The following ADGRL2 variants were observed in gnomAD, a reference collection of about 807,000 sequenced individuals.
ADGRL2 encodes calcium-independent alpha-latrotoxin receptor 2.
Under a neutral mutation model 157.4 loss-of-function variants are expected in ADGRL2, and 44 were observed. That is an observed-to-expected ratio of 0.28 (90% confidence interval 0.22 to 0.36). ADGRL2 has a LOEUF of 0.36. Ranked by LOEUF, ADGRL2 falls within the 10% of genes least tolerant of loss-of-function variation. ADGRL2 has a pLI of 1.00. For missense variants in ADGRL2, 1,510 were observed against 1,768.9 expected, an observed-to-expected ratio of 0.85 and a Z score of 2.63; for synonymous variants, 585 against 624.7, an observed-to-expected ratio of 0.94 and a Z score of 0.95.
At chr1:81,714,960 C>A (rs1322398749) in intron 1 of ADGRL2, among the ~76,000 whole-genome samples, 1 of 150,108 alleles carries the variant, frequency 6.7e-6, no homozygotes, top group East Asian at 2.0e-4. Flanking sequence ...TCTTTTGTTT[C>A]TTTTTCTTTG....
intron 1 of ADGRL2, among the ~76,000 whole-genome samples, chr1:81,825,229 G>A (rs1217782966): frequency 3.9e-5 from 6 of 152,132 alleles, no homozygotes; most frequent in Admixed American, 2.6e-4. Flanking sequence ...TTTTGTTGTA[G>A]TGGGTATGTC....
intron 2 of ADGRL2, among the ~76,000 whole-genome samples, chr1:81,473,130 T>A (rs2078205498): frequency 6.7e-6 from 1 of 148,248 alleles, no homozygotes; most frequent in Non-Finnish European, 1.5e-5. Flanking sequence ...GAGGAGGAGG[T>A]GATGATGGAG....
At chr1:81,325,163 G>A (rs1489138640) in intron 1 of ADGRL2, among the ~76,000 whole-genome samples, 7 of 152,156 alleles carry the variant, frequency 4.6e-5, no homozygotes, top group Admixed American at 4.6e-4. Flanking sequence ...CTGTAGAAGA[G>A]CAGATCCACA....
chr1:81,715,687 T>C (rs1351314920), intron 1 of ADGRL2, among the ~76,000 whole-genome samples: 4 of 152,234 alleles, frequency 2.6e-5, no homozygotes, highest in East Asian at 1.9e-4. Context: ...GAGACAAATA[T>C]AGCTCTGCAT....
chr1:81,721,061 G>A (rs930974291), intron 1 of ADGRL2, among the ~76,000 whole-genome samples: 9 of 146,672 alleles, frequency 6.1e-5, no homozygotes, highest in Non-Finnish European at 1.0e-4. Flanking sequence ...TAATAGAGCC[G>A]GGGTCTTGCT....
chr1:81,864,759 T>G (rs1420055844), intron 2 of ADGRL2, among the ~76,000 whole-genome samples: 1 of 152,076 alleles, frequency 6.6e-6, no homozygotes, highest in Non-Finnish European at 1.5e-5. Context: ...ATCAGAAGTT[T>G]GAGAAAAGCC....
intron 2 of ADGRL2, among the ~76,000 whole-genome samples, chr1:81,497,988 C>T (rs1474792339): frequency 2.6e-5 from 4 of 152,060 alleles, no homozygotes; most frequent in Admixed American, 6.6e-5. Context: ...GGGCAGATCA[C>T]GAGGTCAGGA....
Position 81,356,811 on chromosome 1 carries a change from A to G in ADGRL2, c.-302+50302A>G, listed in dbSNP as rs1015790227. On this transcript the variant is annotated intron_variant, in intron 1 of 24. Coordinates refer to the ADGRL2 transcript ENST00000370721. The stretch of plus-strand genomic sequence containing the variant: ...TACTAAAAATACAAAAAATTAGCCG[A>G]GCGTGGTGGTGGGAGCCTGTAGTCC... Among the ~76,000 whole-genome samples, 134 of 151,656 alleles carry G rather than the reference A, an allele frequency of 8.8e-4. 1 individual carries two copies. The highest frequency in any genetic ancestry group is 2.8e-3 in the African/African-American group (117 of 41,364).
chr1:81,853,685 AT>A (rs1427178549), intron 2 of ADGRL2, among the ~76,000 whole-genome samples: 1 of 152,100 alleles, frequency 6.6e-6, no homozygotes, highest in South Asian at 2.1e-4. Context: ...ATTAAAGATG[AT>A]TTTTTTGTTT....
intron 1 of ADGRL2, among the ~76,000 whole-genome samples, chr1:81,354,328 C>T (rs1420100998): frequency 6.6e-6 from 1 of 152,148 alleles, no homozygotes; most frequent in Non-Finnish European, 1.5e-5. Context: ...TGTTTCTTCC[C>T]CTACAGCCAG....
At chr1:81,460,086 C>G (rs1434461945) in intron 2 of ADGRL2, among the ~76,000 whole-genome samples, 2 of 151,880 alleles carry the variant, frequency 1.3e-5, no homozygotes, top group Non-Finnish European at 2.9e-5. Flanking sequence ...TTGTATTTCC[C>G]TGCTGATTAG....
At chr1:81,339,537 C>G (rs572634423) in intron 1 of ADGRL2, among the ~76,000 whole-genome samples, 39 of 152,282 alleles carry the variant, frequency 2.6e-4, no homozygotes, top group African/African-American at 9.1e-4. Context: ...ATCTTAACTT[C>G]TGTTAATCTT....
At chr1:81,442,760 G>A (rs1468720831) in intron 1 of ADGRL2, among the ~76,000 whole-genome samples, 3 of 152,150 alleles carry the variant, frequency 2.0e-5, no homozygotes, top group Non-Finnish European at 4.4e-5. Context: ...GAGCCCTCAG[G>A]AGAGTAGCAC....
chr1:81,886,641 G>A (rs1181762857), intron 2 of ADGRL2, among the ~76,000 whole-genome samples: 1 of 152,022 alleles, frequency 6.6e-6, no homozygotes, highest in East Asian at 1.9e-4. Context: ...TACCTTTGCA[G>A]ATGTAACTCA....
chr1:81,851,069 G>A (rs907127390), intron 2 of ADGRL2, among the ~76,000 whole-genome samples: 11 of 151,752 alleles, frequency 7.2e-5, no homozygotes, highest in East Asian at 1.9e-4. Flanking sequence ...TATGAATATC[G>A]AAAACAAAGG....
chr1:81,416,377 T>G (rs1488942719), intron 1 of ADGRL2, among the ~76,000 whole-genome samples: 2 of 151,830 alleles, frequency 1.3e-5, no homozygotes, highest in African/African-American at 4.8e-5. Context: ...AGCACATTCA[T>G]CTCTACCTCT....
chr1:81,585,432 C>T (rs1268424264), intron 3 of ADGRL2, among the ~76,000 whole-genome samples: 1 of 152,006 alleles, frequency 6.6e-6, no homozygotes, highest in Non-Finnish European at 1.5e-5. Context: ...TAATCCTAAA[C>T]AGGAAGGGTG....
At chr1:81,482,207 T>A (rs1385703696) in intron 2 of ADGRL2, among the ~76,000 whole-genome samples, 1 of 152,218 alleles carries the variant, frequency 6.6e-6, no homozygotes, top group Non-Finnish European at 1.5e-5. Context: ...ATATTAGTTA[T>A]TTCTGACATA....
intron 2 of ADGRL2, among the ~76,000 whole-genome samples, chr1:81,513,701 G>C (rs981789680): frequency 2.0e-5 from 3 of 152,008 alleles, no homozygotes; most frequent in African/African-American, 7.2e-5. Context: ...TAGGTTTTTA[G>C]GAAGGCAAGA....
Sources: allele counts gnomAD v4.1 joint callset (sites outside exome capture counted in the v4.1 genomes callset), GRCh38; gene constraint gnomAD v4.1.1; transcripts MANE v1.5; gene names NCBI Gene and HGNC (gene_info 2026-07-23, HGNC 2026-07-21).